Variants in XPR1 observed in about 807,000 individuals in gnomAD.
XPR1 encodes solute carrier family 53 member 1.
XPR1 carries 28 observed loss-of-function variants against 87.5 expected under a neutral mutation model. The ratio of observed to expected loss-of-function variants is 0.32; its 90% CI spans 0.24 to 0.44. The LOEUF is 0.44. Among genes scored for constraint, XPR1 ranks in the 20% least tolerant of loss-of-function variants. The pLI is 1.00. For missense variants in XPR1, 559 were observed against 862.3 expected, an observed-to-expected ratio of 0.65 and a Z score of 4.41; for synonymous variants, 300 against 306.1, an observed-to-expected ratio of 0.98 and a Z score of 0.21.
chr1:180,726,563 T>C (rs1658357208), intron 2 of XPR1, among the ~76,000 whole-genome samples: 1 of 152,248 alleles, frequency 6.6e-6, no homozygotes, highest in Non-Finnish European at 1.5e-5. Context: ...TTCACCCCTC[T>C]TGGGGTCCCT....
At chr1:180,706,302 A>T (rs1360068819) in intron 2 of XPR1, among the ~76,000 whole-genome samples, 1 of 152,200 alleles carries the variant, frequency 6.6e-6, no homozygotes, top group Admixed American at 6.5e-5. Flanking sequence ...ATTAAGTCTA[A>T]GGAATGCAGG....
chr1:180,672,034 T>A (rs747442830), intron 1 of XPR1, among the ~76,000 whole-genome samples: 45 of 152,294 alleles, frequency 3.0e-4, no homozygotes, highest in East Asian at 3.9e-4. Context: ...GAGTTTGTGT[T>A]ATCAGACATG....
chr1:180,845,405 A>G (rs1008432215), intron 11 of XPR1, among the ~76,000 whole-genome samples: 1 of 152,252 alleles, frequency 6.6e-6, no homozygotes, highest in Non-Finnish European at 1.5e-5. Context: ...ATGTTCAGCA[A>G]TAGGAGAATA....
Position 180,858,315 on chromosome 1 carries a change from C to T in XPR1, c.1502-5393C>T, listed in dbSNP as rs1571899898. Among the ~76,000 whole-genome samples, 9 of 152,298 alleles carry T rather than the reference C, an allele frequency of 5.9e-5. No homozygotes were observed. The South Asian group carries it at 1.2e-3, about 21-fold the overall frequency. On this transcript the variant is annotated intron_variant, in intron 11 of 14. Transcript: ENST00000367590. ...ATTATTTTCCTCAGCCCACTTTCTTCCTTAATCTTACTTCCCTCATCTGAG... is the reference window on the plus strand; with the variant it reads ...ATTATTTTCCTCAGCCCACTTTCTTTCTTAATCTTACTTCCCTCATCTGAG...
chr1:180,714,200 A>T (rs990660696), intron 2 of XPR1, among the ~76,000 whole-genome samples: 2 of 152,080 alleles, frequency 1.3e-5, no homozygotes, highest in African/African-American at 4.8e-5. Context: ...CAACTCTCAC[A>T]TTCCTGATAT....
chr1:180,823,684 G>A lies in XPR1; in HGVS notation c.764-1069G>A, dbSNP rs556617040. On this transcript the variant is annotated intron_variant, in intron 7 of 14. Transcript: ENST00000367590. ...AATTACTGGCGAGCCATAGAATAAT[G>A]ATATTGAACATTTGTGTGGACATAA... 7.2e-5 allele frequency among the ~76,000 whole-genome samples: 11 copies of A among 152,268 alleles called. No homozygotes were observed. In the East Asian group the frequency reaches 2.1e-3, roughly 29 times the overall value.
intron 11 of XPR1, among the ~76,000 whole-genome samples, chr1:180,844,470 T>C (rs1279791386): frequency 1.3e-5 from 2 of 152,224 alleles, no homozygotes; most frequent in Admixed American, 6.5e-5. Flanking sequence ...GAGTTCCTGC[T>C]AAGTATATGG....
At chr1:180,841,787 T>C (rs1401000645) in intron 11 of XPR1, among the ~76,000 whole-genome samples, 1 of 152,130 alleles carries the variant, frequency 6.6e-6, no homozygotes, top group East Asian at 1.9e-4. Context: ...CTTAATCATA[T>C]TGGTAAATAA....
intron 2 of XPR1, among the ~76,000 whole-genome samples, chr1:180,737,695 T>G (rs1658773887): frequency 6.6e-6 from 1 of 152,232 alleles, no homozygotes; most frequent in Non-Finnish European, 1.5e-5. Context: ...GTCATATAAA[T>G]AGAATAATAC....
intron 2 of XPR1, among the ~76,000 whole-genome samples, chr1:180,756,484 A>G (rs1046745340): frequency 6.6e-6 from 1 of 152,118 alleles, no homozygotes; most frequent in African/African-American, 2.4e-5. Context: ...AAAATTGTGT[A>G]GTCTTTATAT....
chr1:180,872,740 C>T (rs12097443), intron 12 of XPR1, among the ~76,000 whole-genome samples: 6,248 of 148,132 alleles, frequency 0.042, 476 homozygotes, highest in African/African-American at 0.15. Flanking sequence ...GAGATGAACC[C>T]GGTACCTCAG....
At chr1:180,709,955 G>C (rs977349276) in intron 2 of XPR1, among the ~76,000 whole-genome samples, 3 of 150,782 alleles carry the variant, frequency 2.0e-5, no homozygotes, top group Non-Finnish European at 4.4e-5. Context: ...ACCTAGGCTG[G>C]AGTGCAATAG....
chr1:180,648,886 T>TCATCTCTGATAATTTTTGA (rs1655204344), intron 1 of XPR1, among the ~76,000 whole-genome samples: 2 of 152,238 alleles, frequency 1.3e-5, no homozygotes, highest in Admixed American at 6.5e-5. Context: ...TCTGTTCCTT[T>TCATCTCTGATAATTTTTGA]CATCTCTGAT....
rs757166936 is a variant in XPR1 at position 180,888,254 on chromosome 1, A to C, written c.*4188A>C. The C allele has an allele frequency of 1.3e-5, 2 of 152,052 alleles. No individual in the cohort carries two copies. The highest frequency in any genetic ancestry group is 2.9e-5 in the Non-Finnish European group (2 of 68,014). The allele number at this position is 152,052 out of a possible 1,614,324, so 9.4% of individuals were successfully genotyped here. A position where few individuals can be genotyped will look rare whatever the true frequency, so the allele number is the denominator to read the frequency against. On this transcript the variant is annotated 3_prime_UTR_variant, in exon 15 of 15. Transcript: ENST00000367590. ...ACCACAAAAATTTCTTATTCTAAGGAAAATAATTAAGAAAATAACCCTATC... is the reference window on the plus strand; with the variant it reads ...ACCACAAAAATTTCTTATTCTAAGGCAAATAATTAAGAAAATAACCCTATC...
chr1:180,777,617 T>C (rs1648773038), intron 2 of XPR1, among the ~76,000 whole-genome samples: 1 of 152,230 alleles, frequency 6.6e-6, no homozygotes, highest in African/African-American at 2.4e-5. Flanking sequence ...ACATTTTTTA[T>C]CTTTGAAATC....
chr1:180,633,401 C>G (rs1405979971), intron 1 of XPR1, among the ~76,000 whole-genome samples: 1 of 152,126 alleles, frequency 6.6e-6, no homozygotes, highest in Non-Finnish European at 1.5e-5. Context: ...CATAACTTAG[C>G]TAGATTTTAT....
intron 2 of XPR1, among the ~76,000 whole-genome samples, chr1:180,703,128 G>A (rs958383715): frequency 6.6e-6 from 1 of 152,120 alleles, no homozygotes; most frequent in Non-Finnish European, 1.5e-5. Flanking sequence ...GCTTTGCTAG[G>A]GATGAAAACA....
chr1:180,792,477 A>G (rs538820138), intron 3 of XPR1, among the ~76,000 whole-genome samples: 3 of 152,202 alleles, frequency 2.0e-5, no homozygotes, highest in East Asian at 3.9e-4. Flanking sequence ...TTGATTCCCA[A>G]CCCTCTAGGG....
At chr1:180,666,437 A>G (rs780189199) in intron 1 of XPR1, among the ~76,000 whole-genome samples, 2 of 152,176 alleles carry the variant, frequency 1.3e-5, no homozygotes, top group African/African-American at 4.8e-5. Flanking sequence ...ATGTGTTTCC[A>G]TTTATTTGTC....
Sources: allele counts gnomAD v4.1 joint callset (sites outside exome capture counted in the v4.1 genomes callset), GRCh38; gene constraint gnomAD v4.1.1; transcripts MANE v1.5; gene names NCBI Gene and HGNC (gene_info 2026-07-23, HGNC 2026-07-21).